Variants in SGCZ observed in about 807,000 individuals in gnomAD.
The protein encoded by SGCZ is sarcoglycan zeta.
Under a neutral mutation model 41.3 loss-of-function variants are expected in SGCZ, and 40 were observed. The ratio of observed to expected loss-of-function variants is 0.97; its 90% CI spans 0.75 to 1.26. The LOEUF (loss-of-function observed/expected upper bound fraction) is 1.26, where lower values mean the gene tolerates loss of function less well. Among genes scored for constraint, SGCZ ranks in the 50% most tolerant of loss-of-function variants. The pLI, the probability that SGCZ is intolerant of heterozygous loss-of-function variation, is 0.00. For missense variants in SGCZ, 552 were observed against 369.8 expected (o/e 1.49, Z -4.04); for synonymous variants, 206 against 137.5 (o/e 1.50, Z -3.49).
chr8:14,331,981 A>G (rs1312099156), intron 2 of SGCZ, among the ~76,000 whole-genome samples: 1 of 151,924 alleles, frequency 6.6e-6, no homozygotes, highest in African/African-American at 2.4e-5. Context: ...CAATACATGT[A>G]ATATATTTAT....
intron 3 of SGCZ, among the ~76,000 whole-genome samples, chr8:14,244,114 G>A (rs1342074253): frequency 6.6e-6 from 1 of 151,838 alleles, no homozygotes; most frequent in Non-Finnish European, 1.5e-5. Flanking sequence ...ACCAAATTTA[G>A]GAAGCCATTA....
At chr8:14,369,425 C>T (rs1390288923) in intron 2 of SGCZ, among the ~76,000 whole-genome samples, 1 of 151,850 alleles carries the variant, frequency 6.6e-6, no homozygotes, top group Non-Finnish European at 1.5e-5. Flanking sequence ...ATCAGGAATG[C>T]CAGGAATTCA....
intron 1 of SGCZ, among the ~76,000 whole-genome samples, chr8:15,011,087 T>C (rs1446767219): frequency 6.6e-6 from 1 of 152,212 alleles, no homozygotes; most frequent in Admixed American, 6.5e-5. Flanking sequence ...AAGCCAATCT[T>C]ATCTTCTTGT....
intron 1 of SGCZ, among the ~76,000 whole-genome samples, chr8:14,937,700 T>A (rs917056425): frequency 5.3e-5 from 8 of 152,158 alleles, no homozygotes; most frequent in Non-Finnish European, 1.2e-4. Flanking sequence ...GCTCTTAAAT[T>A]ACAATTTTGT....
At chr8:14,744,818 GTGAAAAGAGGCAATACAAAGGTTT>G (rs1799298161) in intron 1 of SGCZ, among the ~76,000 whole-genome samples, 2 of 152,110 alleles carry the variant, frequency 1.3e-5, no homozygotes, top group Non-Finnish European at 1.5e-5. Context: ...GCAGGGTAAA[GTGAAAAGAGGCAATACAAAGGTTT>G]TCCTCAGGGA....
rs548529819 is a variant in SGCZ, at chr8:15,039,515, A to G, written c.39+198070T>C. On this transcript the variant is annotated intron_variant, in intron 1 of 7. Coordinates refer to ENST00000382080, the MANE Select transcript of SGCZ (RefSeq NM_139167.4). ...AATCAAAGGATGCAAAATGTCAGTT[A>G]CAGAGGAAGAATAAGTTCAAGAAAT... is the stretch of plus-strand genomic sequence containing the variant. Among the ~76,000 whole-genome samples, 11 of 152,338 alleles carry G rather than the reference A, an allele frequency of 7.2e-5. No homozygotes were observed. The East Asian group carries it at 1.9e-3, about 27-fold the overall frequency.
chr8:14,426,174 T>A (rs1464194160), intron 2 of SGCZ, among the ~76,000 whole-genome samples: 1 of 152,186 alleles, frequency 6.6e-6, no homozygotes, highest in East Asian at 1.9e-4. Context: ...TAAGCAAATT[T>A]ATCTTCCATT....
chr8:14,656,824 C>T (rs2117471637), intron 1 of SGCZ, among the ~76,000 whole-genome samples: 1 of 151,790 alleles, frequency 6.6e-6, no homozygotes, highest in South Asian at 2.1e-4. Context: ...TTAAATGGTA[C>T]CAAAATCAGC....
chr8:14,418,327 A>C (rs1242489088), intron 2 of SGCZ, among the ~76,000 whole-genome samples: 1 of 151,896 alleles, frequency 6.6e-6, no homozygotes, highest in Non-Finnish European at 1.5e-5. Context: ...GTTGGGTCTA[A>C]GGAGTGGCTC....
intron 1 of SGCZ, among the ~76,000 whole-genome samples, chr8:14,964,713 G>A (rs1029549017): frequency 2.2e-4 from 34 of 152,038 alleles, no homozygotes; most frequent in African/African-American, 8.2e-4. Context: ...GGCAGTTCTC[G>A]GGAAAAGCAG....
At chr8:15,169,481 A>T (rs7001802) in intron 1 of SGCZ, among the ~76,000 whole-genome samples, 41,191 of 151,982 alleles carry the variant, frequency 0.27, 6,112 homozygotes, top group East Asian at 0.6. Flanking sequence ...CCAATAGAAC[A>T]CTGTCTCACT....
chr8:14,186,552 C>A (rs1804908294), intron 4 of SGCZ, among the ~76,000 whole-genome samples: 1 of 152,132 alleles, frequency 6.6e-6, no homozygotes, highest in Admixed American at 6.5e-5. Context: ...AAGGCACTCC[C>A]CAACCCCTAC....
chr8:14,377,295 ATGGAGGTT>A (rs1427820516), intron 2 of SGCZ, among the ~76,000 whole-genome samples: 5 of 152,100 alleles, frequency 3.3e-5, no homozygotes, highest in African/African-American at 9.7e-5. Context: ...TGGTGAACAC[ATGGAGGTT>A]TGGGAGGGTG....
chr8:14,600,778 T>C (rs191778236), intron 1 of SGCZ, among the ~76,000 whole-genome samples: 6 of 152,308 alleles, frequency 3.9e-5, no homozygotes. Flanking sequence ...AGTATTTAAG[T>C]ATAAAGTTTT....
chr8:14,502,253 T>G (rs1382529645), intron 2 of SGCZ, among the ~76,000 whole-genome samples: 1 of 152,070 alleles, frequency 6.6e-6, no homozygotes, highest in Non-Finnish European at 1.5e-5. Context: ...TTTATTCCAT[T>G]TTACTTACTC....
At chr8:14,656,045 G>C (rs1427553503) in intron 1 of SGCZ, among the ~76,000 whole-genome samples, 1 of 152,034 alleles carries the variant, frequency 6.6e-6, no homozygotes, top group Non-Finnish European at 1.5e-5. Flanking sequence ...AGCTCTTACA[G>C]ATAAAGCTTC....
chr8:14,894,553 T>C (rs1805125378), intron 1 of SGCZ, among the ~76,000 whole-genome samples: 1 of 152,164 alleles, frequency 6.6e-6, no homozygotes, highest in Non-Finnish European at 1.5e-5. Flanking sequence ...CAGGAGCTTA[T>C]CTTTGCTTCA....
intron 2 of SGCZ, among the ~76,000 whole-genome samples, chr8:14,394,214 G>C (rs1050203198): frequency 4.3e-5 from 6 of 138,572 alleles, no homozygotes; most frequent in African/African-American, 1.3e-4. Context: ...GCAGTGGCAT[G>C]ATCTCGGCTC....
intron 1 of SGCZ, among the ~76,000 whole-genome samples, chr8:14,704,748 T>G (rs1014681722): frequency 6.6e-6 from 1 of 151,946 alleles, no homozygotes; most frequent in Non-Finnish European, 1.5e-5. Context: ...CATTACACTT[T>G]TTAAGATGCT....
Sources: allele counts gnomAD v4.1 joint callset (sites outside exome capture counted in the v4.1 genomes callset), GRCh38; gene constraint gnomAD v4.1.1; transcripts MANE v1.5; gene names NCBI Gene and HGNC (gene_info 2026-07-23, HGNC 2026-07-21).